The following LRP6 variants were observed in gnomAD, a reference collection of about 807,000 sequenced individuals.
LRP6 encodes LDL receptor related protein 6.
Under a neutral mutation model 184.1 loss-of-function variants are expected in LRP6, and 43 were observed. That is an observed-to-expected ratio of 0.23 (90% CI 0.18 to 0.30). The LOEUF (loss-of-function observed/expected upper bound fraction) is 0.30. Among genes scored for constraint, LRP6 ranks in the 10% least tolerant of loss-of-function variants. LRP6 has a pLI of 1.00. For missense variants in LRP6, 1,571 were observed against 2,005.3 expected (o/e 0.78, Z 4.14); for synonymous variants, 719 against 684.9 (o/e 1.05, Z -0.78).
At chr12:12,144,556 G>A (rs1449616165) in intron 15 of LRP6, among the ~76,000 whole-genome samples, 3 of 152,204 alleles carry the variant, frequency 2.0e-5, no homozygotes, top group East Asian at 1.9e-4. Context: ...CAGGAGGACT[G>A]TTTGAGCTAG....
intron 1 of LRP6, among the ~76,000 whole-genome samples, chr12:12,258,077 A>AT (rs1297140425): frequency 6.6e-6 from 1 of 152,114 alleles, no homozygotes; most frequent in Non-Finnish European, 1.5e-5. Context: ...GAATATGCTG[A>AT]TTTTTTAGTA....
At chr12:12,168,222 C>G (rs1357695957) in intron 7 of LRP6, among the ~76,000 whole-genome samples, 2 of 152,004 alleles carry the variant, frequency 1.3e-5, no homozygotes, top group African/African-American at 4.8e-5. Flanking sequence ...CCTCTTCCAG[C>G]TAATGTATTA....
At chr12:12,246,200 T>C (rs1325309654) in intron 1 of LRP6, among the ~76,000 whole-genome samples, 1 of 151,754 alleles carries the variant, frequency 6.6e-6, no homozygotes, top group Admixed American at 6.6e-5. Context: ...GAGGTGGGGT[T>C]TCGCCATGTT....
chr12:12,198,138 C>CA (rs1863816284), intron 3 of LRP6, among the ~76,000 whole-genome samples: 1 of 152,166 alleles, frequency 6.6e-6, no homozygotes, highest in Non-Finnish European at 1.5e-5. Context: ...AGGATGGTCT[C>CA]ACTCCTGACT....
rs528995056 is a variant in LRP6, at chr12:12,171,090, T to A, written c.1546-5795A>T. The stretch of plus-strand genomic sequence containing the variant: ...ACTAACAATGGTTAAAACTAGGTAG[T>A]TCATGGTCGTCTCTACTCTGCTTTC... On this transcript the variant is annotated intron_variant, in intron 7 of 22. Coordinates refer to ENST00000261349, the MANE Select transcript of LRP6 (RefSeq NM_002336.3). Among the ~76,000 whole-genome samples the A allele has an allele frequency of 2.9e-3, 436 of 151,264 alleles. 2 individuals are homozygous for A. Among genetic ancestry groups the A allele is most frequent in the Non-Finnish European group, 4.5e-3 (305 of 68,040 alleles).
chr12:12,180,487 T>C (rs1047676888), intron 6 of LRP6, among the ~76,000 whole-genome samples: 2 of 152,116 alleles, frequency 1.3e-5, no homozygotes, highest in African/African-American at 4.8e-5. Context: ...ACTATGCTTG[T>C]CCTCAGAATA....
intron 5 of LRP6, among the ~76,000 whole-genome samples, chr12:12,182,759 C>T (rs1271597350): frequency 6.6e-6 from 1 of 152,178 alleles, no homozygotes; most frequent in Non-Finnish European, 1.5e-5. Flanking sequence ...CCCCGGCTAA[C>T]AACCAAAAGG....
Position 12,266,873 on chromosome 12 carries a change from G to C in LRP6, c.-138C>G, listed in dbSNP as rs531315557. ...TTCCCAGCGAGAGAAGAAAGAAAGG[G>C]GCACGTCAAGGTTCCGCGCGCGCCG... On this transcript the variant is annotated 5_prime_UTR_variant, in exon 1 of 23. Transcript: ENST00000261349. 7.7e-6 allele frequency: 6 copies of C among 778,960 alleles called. No individual in the cohort carries two copies. The highest frequency in any genetic ancestry group is 7.5e-5 in the South Asian group (5 of 66,878). The allele number at this position is 778,960 out of a possible 1,614,324, so 48.3% of individuals were successfully genotyped here. A position where few individuals can be genotyped will look rare whatever the true frequency, so the allele number is the denominator to read the frequency against.
At chr12:12,122,294 A>C (rs1435301707) in intron 22 of LRP6, among the ~76,000 whole-genome samples, 1 of 152,202 alleles carries the variant, frequency 6.6e-6, no homozygotes, top group Admixed American at 6.5e-5. Context: ...TTCTATTTTT[A>C]ACTTCTTATA....
intron 2 of LRP6, among the ~76,000 whole-genome samples, chr12:12,229,552 G>C (rs1366686430): frequency 6.6e-6 from 1 of 152,126 alleles, no homozygotes; most frequent in Admixed American, 6.6e-5. Context: ...AGCAGGTTTG[G>C]TTGTTTTGTT....
intron 1 of LRP6, among the ~76,000 whole-genome samples, chr12:12,245,119 A>C (rs1865154054): frequency 6.6e-6 from 1 of 152,212 alleles, no homozygotes. Flanking sequence ...AGAAACAAAA[A>C]CATATGTCAA....
At position 12,200,415 on chromosome 12, in the gene LRP6, G is replaced by C. The variant is rs142881705; in HGVS notation, c.647+2788C>G. On this transcript the variant is annotated intron_variant, in intron 3 of 22. Transcript: ENST00000261349. ...CATGAATGTGTCCTCATTTTCAAGA[G>C]TAGGATCTACCCGGGGGCCCTTTTC... Among the ~76,000 whole-genome samples, 736 of 152,260 alleles carry C rather than the reference G, an allele frequency of 4.8e-3. 6 individuals are homozygous for C. The highest frequency in any genetic ancestry group is 0.017 in the African/African-American group (698 of 41,554).
intron 2 of LRP6, among the ~76,000 whole-genome samples, chr12:12,218,435 C>T (rs1864403436): frequency 6.6e-6 from 1 of 150,918 alleles, no homozygotes; most frequent in Non-Finnish European, 1.5e-5. Context: ...CATGATCATG[C>T]CACTACATTC....
chr12:12,128,778 C>T (rs1949708060), intron 19 of LRP6, among the ~76,000 whole-genome samples: 1 of 152,158 alleles, frequency 6.6e-6, no homozygotes, highest in African/African-American at 2.4e-5. Flanking sequence ...TCAGTTCCTG[C>T]TATATATCCC....
chr12:12,196,706 C>T (rs997522699), intron 3 of LRP6, among the ~76,000 whole-genome samples: 1 of 152,160 alleles, frequency 6.6e-6, no homozygotes, highest in Middle Eastern at 3.4e-3. Flanking sequence ...CTGATGTACT[C>T]TCATGGTGCA....
At chr12:12,154,971 G>T (rs1950130579) in intron 12 of LRP6, among the ~76,000 whole-genome samples, 1 of 152,142 alleles carries the variant, frequency 6.6e-6, no homozygotes, top group Non-Finnish European at 1.5e-5. Context: ...CAAGGCTGGT[G>T]GATCACCTGA....
intron 22 of LRP6, among the ~76,000 whole-genome samples, chr12:12,123,106 C>G (rs946842268): frequency 6.6e-6 from 1 of 150,900 alleles, no homozygotes; most frequent in African/African-American, 2.4e-5. Flanking sequence ...AAACCAAAAT[C>G]TCAACAAATG....
At chr12:12,131,387 C>T (rs1384065243) in intron 18 of LRP6, among the ~76,000 whole-genome samples, 3 of 152,070 alleles carry the variant, frequency 2.0e-5, no homozygotes, top group African/African-American at 7.2e-5. Flanking sequence ...GGATTACAGG[C>T]GTGAGCCACC....
At chr12:12,169,688 T>C (rs1034843366) in intron 7 of LRP6, among the ~76,000 whole-genome samples, 7 of 152,188 alleles carry the variant, frequency 4.6e-5, no homozygotes, top group Non-Finnish European at 1.5e-5. Context: ...AATGATTTGG[T>C]TGCTTTACTC....
Sources: allele counts gnomAD v4.1 joint callset (sites outside exome capture counted in the v4.1 genomes callset), GRCh38; gene constraint gnomAD v4.1.1; transcripts MANE v1.5; gene names NCBI Gene and HGNC (gene_info 2026-07-23, HGNC 2026-07-21).